Variants in CIT observed in about 807,000 individuals in gnomAD.
CIT encodes the protein citron Rho-interacting kinase.
Under a neutral mutation model 272.7 loss-of-function variants are expected in CIT, and 79 were observed. That is an observed-to-expected ratio of 0.29 (90% CI 0.24 to 0.35). The LOEUF is 0.35. Among genes scored for constraint, CIT ranks in the 10% least tolerant of loss-of-function variants. CIT has a pLI of 1.00. For missense variants in CIT, 1,909 were observed against 2,618.3 expected (o/e 0.73, Z 5.91); for synonymous variants, 948 against 995.6 (o/e 0.95, Z 0.90).
rs1167179837 is a variant in CIT at position 119,757,542 on chromosome 12, C to T, written c.2535G>A (p.Lys845=). ...NSSLFTQRNM[K]AQEEMISELR... is the part of the protein sequence containing the mutation. The stretch of plus-strand genomic sequence containing the variant: ...GTTCAGAAATCATCTCTTCTTGGGC[C>T]TTCCTGGTGGGGGTGGTGGGAGGAT... Residue 845 remains lysine (K), a synonymous_variant, in exon 22 of 48, where the codon AAG becomes AAA. Coordinates refer to ENST00000392521, the MANE Select transcript of CIT (RefSeq NM_001206999.2). 12 of 1,604,290 alleles carry T rather than the reference C, an allele frequency of 7.5e-6. No individual in the cohort carries two copies. Among genetic ancestry groups the T allele is most frequent in the Non-Finnish European group, 1.0e-5 (12 of 1,174,708 alleles).
intron 19 of CIT, among the ~76,000 whole-genome samples, chr12:119,764,964 G>A (rs897123639): frequency 6.6e-6 from 1 of 151,692 alleles, no homozygotes; most frequent in Non-Finnish European, 1.5e-5. Context: ...ACGCCACCAC[G>A]CCTGGCTAAT....
chr12:119,731,543 C>T (rs1286405216), intron 26 of CIT, among the ~76,000 whole-genome samples: 2 of 150,542 alleles, frequency 1.3e-5, no homozygotes, highest in African/African-American at 2.4e-5. Context: ...ATAAATAATG[C>T]TAAAGAATAG....
At chr12:119,696,853 A>G (rs1055636893) in intron 46 of CIT, among the ~76,000 whole-genome samples, 4 of 152,126 alleles carry the variant, frequency 2.6e-5, no homozygotes, top group African/African-American at 9.7e-5. Flanking sequence ...AAGTGGCAGC[A>G]TATCTGCATA....
At chr12:119,702,968 T>A (rs1593399222) in intron 41 of CIT, among the ~76,000 whole-genome samples, 1 of 152,190 alleles carries the variant, frequency 6.6e-6, no homozygotes, top group African/African-American at 2.4e-5. Context: ...CCAATCCTAA[T>A]GTCATCAAAA....
intron 2 of CIT, among the ~76,000 whole-genome samples, chr12:119,873,732 A>G (rs1051750016): frequency 3.3e-5 from 5 of 151,856 alleles, no homozygotes; most frequent in African/African-American, 1.2e-4. Context: ...CTAAGCTTTC[A>G]ATTTGTTTCC....
At chr12:119,815,599 G>A (rs1353025321) in intron 9 of CIT, among the ~76,000 whole-genome samples, 4 of 151,978 alleles carry the variant, frequency 2.6e-5, no homozygotes, top group Admixed American at 6.6e-5. Flanking sequence ...CCAGCTACTC[G>A]GGAGGCTGAG....
chr12:119,793,079 CT>C (rs1457341308), intron 10 of CIT, among the ~76,000 whole-genome samples: 6 of 152,148 alleles, frequency 3.9e-5, no homozygotes, highest in African/African-American at 9.7e-5. Flanking sequence ...GGCACCCCCC[CT>C]CCCCCACCAC....
chr12:119,754,082 G>A (rs1344687662), intron 22 of CIT, among the ~76,000 whole-genome samples: 1 of 152,184 alleles, frequency 6.6e-6, no homozygotes, highest in Non-Finnish European at 1.5e-5. Context: ...CGATGTCACA[G>A]CAGCAAATAC....
chr12:119,781,788 A>G (rs901518504), intron 13 of CIT, among the ~76,000 whole-genome samples: 1 of 152,254 alleles, frequency 6.6e-6, no homozygotes, highest in Non-Finnish European at 1.5e-5. Flanking sequence ...GAATGGTTCA[A>G]ATTTCTCTTC....
intron 10 of CIT, among the ~76,000 whole-genome samples, chr12:119,791,304 C>T (rs1474157356): frequency 6.6e-6 from 1 of 152,186 alleles, no homozygotes; most frequent in Non-Finnish European, 1.5e-5. Flanking sequence ...CCATCCATGA[C>T]TGGCTGCATT....
intron 24 of CIT, among the ~76,000 whole-genome samples, chr12:119,736,512 T>C (rs1488390157): frequency 2.0e-5 from 3 of 152,248 alleles, no homozygotes; most frequent in Non-Finnish European, 4.4e-5. Flanking sequence ...TTTTAGTGTA[T>C]GGTCTAATGG....
chr12:119,760,118 C>T lies in CIT; in HGVS notation c.2421+821G>A, dbSNP rs1440611146. 3.5e-5 allele frequency among the ~76,000 whole-genome samples: 5 copies of T among 144,088 alleles called. No homozygotes were observed. The Admixed American group carries it at 3.6e-4, about 10-fold the overall frequency. The allele number at this position is 144,088 out of a possible 152,430, so 94.5% of individuals were successfully genotyped here. Reference sequence around the variant, plus strand: ...AGGAAAATTACTTGAACCTGGGAGGCGGAGGTTGCAGTGAGCTGAAATCAT... The same window carrying T: ...AGGAAAATTACTTGAACCTGGGAGGTGGAGGTTGCAGTGAGCTGAAATCAT... On this transcript the variant is annotated intron_variant, in intron 20 of 47. Transcript: ENST00000392521.
At chr12:119,732,051 G>A (rs2137232623) in intron 26 of CIT, among the ~76,000 whole-genome samples, 2 of 151,956 alleles carry the variant, frequency 1.3e-5, no homozygotes, top group East Asian at 3.9e-4. Context: ...GGCCAGGCTG[G>A]TCTCAAACTC....
intron 39 of CIT, among the ~76,000 whole-genome samples, chr12:119,709,979 T>A (rs1414884326): frequency 6.6e-6 from 1 of 152,094 alleles, no homozygotes; most frequent in Admixed American, 6.6e-5. Context: ...GGGTTTGGCT[T>A]TAGATAGTCT....
At chr12:119,838,175 C>T (rs1384089612) in intron 5 of CIT, among the ~76,000 whole-genome samples, 2 of 152,032 alleles carry the variant, frequency 1.3e-5, no homozygotes, top group African/African-American at 2.4e-5. Context: ...CGGGTTCAAG[C>T]GATTCTCCTG....
chr12:119,808,100 T>C (rs1966712342), intron 9 of CIT, among the ~76,000 whole-genome samples: 1 of 152,190 alleles, frequency 6.6e-6, no homozygotes, highest in Admixed American at 6.5e-5. Context: ...AGAGCTATTT[T>C]AGGAGCTATA....
At chr12:119,840,438 A>G (rs1969332993) in intron 5 of CIT, among the ~76,000 whole-genome samples, 2 of 152,348 alleles carry the variant, frequency 1.3e-5, no homozygotes, top group South Asian at 4.1e-4. Context: ...CTAAAATGGT[A>G]GAAGTGTAAA....
At chr12:119,730,386 G>T in intron 27 of CIT, 109 bp downstream of exon 27, 1 of 1,274,408 alleles carries the variant, frequency 7.8e-7, no homozygotes, top group Admixed American at 2.8e-5. Context: ...ATGAACATAT[G>T]TTTATGAAAT....
chr12:119,802,747 C>T (rs1290150947), intron 10 of CIT, among the ~76,000 whole-genome samples: 1 of 152,196 alleles, frequency 6.6e-6, no homozygotes, highest in Non-Finnish European at 1.5e-5. Flanking sequence ...CATCAGGAAA[C>T]CTCTAGCTTA....
Sources: allele counts gnomAD v4.1 joint callset (sites outside exome capture counted in the v4.1 genomes callset), GRCh38; gene constraint gnomAD v4.1.1; transcripts MANE v1.5; gene names NCBI Gene and HGNC (gene_info 2026-07-23, HGNC 2026-07-21).